Variants in IQUB observed in about 807,000 individuals in gnomAD.
The protein encoded by IQUB is IQ motif and ubiquitin domain containing.
In IQUB, 86 loss-of-function variants were observed where a neutral mutation model predicts 86.4. The observed-to-expected ratio is 1.00, with a 90% CI of 0.84 to 1.19. IQUB has a LOEUF of 1.19. IQUB is among the 50% of genes most tolerant of loss of function. The pLI is 0.00. For missense variants in IQUB, 946 were observed against 916.9 expected (o/e 1.03, Z -0.41); for synonymous variants, 289 against 304.5 (o/e 0.95, Z 0.53).
At chr7:123,491,046 G>A (rs1385247930) in intron 7 of IQUB, among the ~76,000 whole-genome samples, 11 of 150,476 alleles carry the variant, frequency 7.3e-5, no homozygotes, top group Middle Eastern at 3.5e-3. Context: ...AATAAAATTA[G>A]AAATCAATAA....
chr7:123,529,477 G>T (rs1267543180), intron 1 of IQUB, among the ~76,000 whole-genome samples: 4 of 147,864 alleles, frequency 2.7e-5, no homozygotes, highest in South Asian at 2.1e-4. Context: ...TGTCTCTAGT[G>T]TTTTTTTTTT....
intron 2 of IQUB, 128 bp downstream of exon 2, chr7:123,511,816 G>T: frequency 1.6e-6 from 1 of 637,388 alleles, no homozygotes; most frequent in Non-Finnish European, 2.5e-6. Context: ...CTGGAAGTTT[G>T]GTGGATAAGG....
chr7:123,526,474 A>G (rs1048064215), intron 1 of IQUB, among the ~76,000 whole-genome samples: 1 of 151,754 alleles, frequency 6.6e-6, no homozygotes, highest in African/African-American at 2.4e-5. Context: ...GTATCTTTTG[A>G]TCTTTGTTGG....
At chr7:123,528,532 C>T (rs183867685) in intron 1 of IQUB, among the ~76,000 whole-genome samples, 16 of 152,228 alleles carry the variant, frequency 1.1e-4, no homozygotes, top group African/African-American at 3.4e-4. Context: ...AGTCTGGATC[C>T]AGAACCCATG....
chr7:123,523,053 A>T (rs968356866), intron 1 of IQUB, among the ~76,000 whole-genome samples: 1 of 150,624 alleles, frequency 6.6e-6, no homozygotes, highest in Non-Finnish European at 1.5e-5. Flanking sequence ...TTATGGCTGC[A>T]TAGTATTCCA....
At chr7:123,511,582 G>A (rs1301668554) in intron 2 of IQUB, among the ~76,000 whole-genome samples, 2 of 152,092 alleles carry the variant, frequency 1.3e-5, no homozygotes, top group Non-Finnish European at 2.9e-5. Context: ...TTGCTATTTA[G>A]GTACAACAAT....
At chr7:123,453,229 T>C (rs898313756) in intron 12 of IQUB, among the ~76,000 whole-genome samples, 11 of 148,830 alleles carry the variant, frequency 7.4e-5, no homozygotes, top group African/African-American at 2.5e-4. Context: ...TCTAGCTTTC[T>C]TAGCCCTTAT....
At chr7:123,492,047 G>A (rs866057669) in intron 7 of IQUB, among the ~76,000 whole-genome samples, 2 of 152,124 alleles carry the variant, frequency 1.3e-5, no homozygotes. Context: ...ACCCAAGAAA[G>A]CTCTTCATCC....
At chr7:123,510,743 T>G (rs769562725) in intron 2 of IQUB, among the ~76,000 whole-genome samples, 1 of 152,134 alleles carries the variant, frequency 6.6e-6, no homozygotes, top group African/African-American at 2.4e-5. Flanking sequence ...TGACAAAATT[T>G]AAGTAGGCAT....
intron 11 of IQUB, among the ~76,000 whole-genome samples, chr7:123,460,690 T>C (rs888518886): frequency 3.3e-5 from 5 of 151,964 alleles, no homozygotes; most frequent in African/African-American, 7.2e-5. Flanking sequence ...AATTTGTTTT[T>C]ATTTTGTAGA....
intron 1 of IQUB, among the ~76,000 whole-genome samples, chr7:123,512,749 T>G (rs1042837196): frequency 1.3e-5 from 2 of 152,274 alleles, no homozygotes; most frequent in African/African-American, 4.8e-5. Flanking sequence ...CTATAGCAAG[T>G]GTACCCTGAA....
intron 1 of IQUB, among the ~76,000 whole-genome samples, chr7:123,530,445 A>G (rs148435472): frequency 1.6e-3 from 248 of 152,222 alleles, no homozygotes; most frequent in African/African-American, 5.4e-3. Context: ...AAAACAAAAA[A>G]CCAAAAACAA....
intron 3 of IQUB, among the ~76,000 whole-genome samples, chr7:123,505,814 C>T (rs961768358): frequency 6.6e-6 from 1 of 152,330 alleles, no homozygotes; most frequent in South Asian, 2.1e-4. Context: ...AATTTTGCAG[C>T]CTGCTTTAAT....
chr7:123,462,567 T>C (rs866636018), intron 10 of IQUB: 5 of 204,662 alleles, frequency 2.4e-5, no homozygotes, highest in African/African-American at 1.2e-4. Context: ...AGAAAATATG[T>C]AAATTTAAAA....
chr7:123,470,887 T>C (rs1320988006), intron 8 of IQUB, among the ~76,000 whole-genome samples: 1 of 151,336 alleles, frequency 6.6e-6, no homozygotes, highest in Non-Finnish European at 1.5e-5. Context: ...ACAATGACAG[T>C]ATCAGGAGGG....
Position 123,470,876 on chromosome 7 carries a change from A to C in IQUB, c.1411-1492T>G, listed in dbSNP as rs891515486. Among the ~76,000 whole-genome samples the C allele has an allele frequency of 4.6e-5, 7 of 152,154 alleles. No individual in the cohort carries two copies. The East Asian group carries it at 1.4e-3, about 29-fold the overall frequency. ...AAAAAAAAAAAAGAAAAAAGAAAAAAACAATGACAGTATCAGGAGGGAATT... is the reference window on the plus strand; with the variant it reads ...AAAAAAAAAAAAGAAAAAAGAAAAACACAATGACAGTATCAGGAGGGAATT... On this transcript the variant is annotated intron_variant, in intron 8 of 12. Coordinates refer to ENST00000324698, the MANE Select transcript of IQUB (RefSeq NM_178827.5).
At chr7:123,486,135 A>G (rs911666245) in intron 7 of IQUB, among the ~76,000 whole-genome samples, 1 of 152,170 alleles carries the variant, frequency 6.6e-6, no homozygotes, top group African/African-American at 2.4e-5. Flanking sequence ...GTTTTACGTT[A>G]GACTGATATT....
chr7:123,532,846 T>C (rs1025533926), intron 1 of IQUB: 1 of 152,088 alleles, frequency 6.6e-6, no homozygotes, highest in Non-Finnish European at 1.5e-5. Flanking sequence ...GGGCCGGGGG[T>C]CGGAAGCCGT....
intron 12 of IQUB, 95 bp downstream of exon 12, chr7:123,457,286 G>A: frequency 2.0e-6 from 3 of 1,480,330 alleles, no homozygotes; most frequent in Non-Finnish European, 2.7e-6. Flanking sequence ...TCTGATGGAA[G>A]TATTTAAGCA....
Sources: allele counts gnomAD v4.1 joint callset (sites outside exome capture counted in the v4.1 genomes callset), GRCh38; gene constraint gnomAD v4.1.1; transcripts MANE v1.5; gene names NCBI Gene and HGNC (gene_info 2026-07-23, HGNC 2026-07-21).